Variants in ITM2B observed in about 807,000 individuals in gnomAD.
ITM2B encodes the protein ABri/ADan amyloid peptide.
ITM2B carries 11 observed loss-of-function variants against 27.8 expected under a neutral mutation model. The observed-to-expected ratio is 0.40, with a 90% CI of 0.25 to 0.66. The LOEUF (loss-of-function observed/expected upper bound fraction) is 0.66, where lower values mean the gene tolerates loss of function less well. Among genes scored for constraint, ITM2B ranks in the 30% least tolerant of loss-of-function variants. The pLI, the probability that ITM2B is intolerant of heterozygous loss-of-function variation, is 0.43. For missense variants in ITM2B, 296 were observed against 328.9 expected (o/e 0.90, Z 0.77); for synonymous variants, 114 against 114.3 (o/e 1.00, Z 0.02).
rs755411940 is a variant in ITM2B, at chr13:48,258,293, C to T, written c.564+57C>T. ...ATGCCTTCATAGTGTTCTGGAATTC[C>T]CTGTTGAGAAATTAGCCCTATAGGA... On this transcript the variant is annotated intron_variant, in intron 4 of 5. Coordinates refer to ENST00000647800, the MANE Select transcript of ITM2B (RefSeq NM_021999.5). 5 of 931,148 alleles carry T rather than the reference C, an allele frequency of 5.4e-6. No homozygotes were observed. In the Admixed American group the frequency reaches 6.8e-5, roughly 13 times the overall value. 57.7% of individuals were successfully genotyped at this position (931,148 alleles called of 1,614,324 possible). A position where few individuals can be genotyped will look rare whatever the true frequency, so the allele number is the denominator to read the frequency against.
chr13:48,245,566 C>T (rs1951719864), intron 1 of ITM2B, among the ~76,000 whole-genome samples: 1 of 151,404 alleles, frequency 6.6e-6, no homozygotes, highest in Admixed American at 6.6e-5. Context: ...AAGTTCCAAC[C>T]TATTTTTATT....
rs919620618 is a variant in ITM2B at position 48,269,376 on chromosome 13, T to C, written c.*8152T>C. 6.6e-6 allele frequency: 1 copy of C among 152,254 alleles called. No individual in the cohort carries two copies. Among genetic ancestry groups the C allele is most frequent in the Non-Finnish European group, 1.5e-5 (1 of 68,092 alleles). The allele number at this position is 152,254 out of a possible 1,614,324, so 9.4% of individuals were successfully genotyped here. A position where few individuals can be genotyped will look rare whatever the true frequency, so the allele number is the denominator to read the frequency against. On this transcript the variant is annotated 3_prime_UTR_variant, in exon 6 of 6. Coordinates refer to ENST00000647800, the MANE Select transcript of ITM2B (RefSeq NM_021999.5). ...TCTTCCTGCTTCCATACTTGACCCC[T>C]AGAGCCTCTTCTAAACAGAGTAGCT... is the stretch of plus-strand genomic sequence containing the variant.
At chr13:48,254,138 A>G (rs948537875) in intron 2 of ITM2B, among the ~76,000 whole-genome samples, 5 of 152,206 alleles carry the variant, frequency 3.3e-5, no homozygotes, top group Non-Finnish European at 7.4e-5. Flanking sequence ...CAGTCACTAA[A>G]AGCAGAGTAA....
chr13:48,239,024 T>A (rs555337999), intron 1 of ITM2B, among the ~76,000 whole-genome samples: 247 of 152,316 alleles, frequency 1.6e-3, no homozygotes, highest in African/African-American at 5.6e-3. Flanking sequence ...ATAAAAATTT[T>A]AAAAGATGCA....
chr13:48,254,496 G>T (rs933919511), intron 2 of ITM2B, among the ~76,000 whole-genome samples: 1 of 152,164 alleles, frequency 6.6e-6, no homozygotes, highest in African/African-American at 2.4e-5. Context: ...ATCCCAGTGG[G>T]TTAAGACAAA....
intron 1 of ITM2B, among the ~76,000 whole-genome samples, chr13:48,250,983 C>T (rs562510388): frequency 6.6e-6 from 1 of 152,234 alleles, no homozygotes; most frequent in South Asian, 2.1e-4. Flanking sequence ...AATAAATTGA[C>T]CTGTGGATAA....
chr13:48,259,095 A>G, intron 5 of ITM2B, 148 bp downstream of exon 5: 2 of 621,270 alleles, frequency 3.2e-6, no homozygotes, highest in Non-Finnish European at 5.6e-6. Context: ...TTTCTATAGA[A>G]TTATCTTAAT....
intron 1 of ITM2B, among the ~76,000 whole-genome samples, chr13:48,246,155 G>A (rs912758450): frequency 6.6e-6 from 1 of 152,112 alleles, no homozygotes; most frequent in African/African-American, 2.4e-5. Context: ...ATCATAACAT[G>A]TTGGTATAAT....
At chr13:48,235,426 A>G (rs931005818) in intron 1 of ITM2B, among the ~76,000 whole-genome samples, 2 of 152,214 alleles carry the variant, frequency 1.3e-5, no homozygotes, top group Non-Finnish European at 2.9e-5. Context: ...TAAACCACCC[A>G]GCAGTCACGG....
intron 1 of ITM2B, among the ~76,000 whole-genome samples, chr13:48,252,341 A>G (rs1487296364): frequency 2.6e-5 from 4 of 152,240 alleles, no homozygotes; most frequent in African/African-American, 9.6e-5. Flanking sequence ...ACAGACCAGT[A>G]CCGGAACTGG....
Position 48,253,845 on chromosome 13 carries a change from C to G in ITM2B, c.155C>G (p.Ala52Gly). ...DDVVPVGQRR[A>G]WCWCMCFGLA... Reference sequence around the variant, plus strand: ...GTGGTACCAGTTGGCCAAAGAAGAGCCTGGTGTTGGTGCATGTGCTTTGGA... The same window carrying G: ...GTGGTACCAGTTGGCCAAAGAAGAGGCTGGTGTTGGTGCATGTGCTTTGGA... Residue 52 changes from alanine (A) to glycine (G), a missense_variant, in exon 2 of 6, where the codon GCC (alanine) becomes GGC (glycine). By Grantham distance (60) the Ala-to-Gly change is moderately conservative (BLOSUM62 0). Coordinates refer to ENST00000647800, the MANE Select transcript of ITM2B (RefSeq NM_021999.5). 1 of 1,613,666 alleles carries G rather than the reference C, an allele frequency of 6.2e-7. No individual in the cohort carries two copies. The highest frequency in any genetic ancestry group is 8.5e-7 in the Non-Finnish European group (1 of 1,179,642).
chr13:48,240,014 A>G (rs758514737), intron 1 of ITM2B, among the ~76,000 whole-genome samples: 7 of 152,238 alleles, frequency 4.6e-5, no homozygotes, highest in Non-Finnish European at 7.3e-5. Flanking sequence ...AGCAGAATTC[A>G]GGTTATACAG....
At chr13:48,245,068 G>C (rs866373328) in intron 1 of ITM2B, among the ~76,000 whole-genome samples, 7 of 152,322 alleles carry the variant, frequency 4.6e-5, no homozygotes, top group Admixed American at 1.3e-4. Context: ...GCTCATGCCT[G>C]TAATCCCAGC....
At chr13:48,255,674 C>T (rs983546173) in intron 2 of ITM2B, among the ~76,000 whole-genome samples, 1 of 152,146 alleles carries the variant, frequency 6.6e-6, no homozygotes, top group African/African-American at 2.4e-5. Context: ...ATATTTTCCA[C>T]TGAATTGTGA....
At chr13:48,253,781 T>G (rs1181398892) in intron 1 of ITM2B, 27 bp from the exon 2 acceptor site, 1 of 1,609,718 alleles carries the variant, frequency 6.2e-7, no homozygotes, top group Non-Finnish European at 8.5e-7. Flanking sequence ...GGAGATAAGA[T>G]ATTTAACTGT....
At chr13:48,254,891 T>C (rs1177267937) in intron 2 of ITM2B, 1 of 152,078 alleles carries the variant, frequency 6.6e-6, no homozygotes, top group Non-Finnish European at 1.5e-5. Flanking sequence ...TTTTTTTTTC[T>C]TGAGACAGAG....
In ITM2B at chr13:48,267,500, C is replaced by CT. The variant is rs1289857245; in HGVS notation, c.*6277dup. On this transcript the variant is annotated 3_prime_UTR_variant, in exon 6 of 6. Transcript: ENST00000647800. ...TCTAGCCCTGCAGCTAGCTGACACT[C>CT]TAAAAAATTATGAGTGCCTTCCTTT... 1 of 149,494 alleles carries CT rather than the reference C, an allele frequency of 6.7e-6. No individual in the cohort carries two copies. The highest frequency in any genetic ancestry group is 6.6e-5 in the Admixed American group (1 of 15,148). 9.3% of individuals were successfully genotyped at this position (149,494 alleles called of 1,614,324 possible).
chr13:48,265,293 T>G lies in ITM2B; in HGVS notation c.*4069T>G, dbSNP rs899165619. On this transcript the variant is annotated 3_prime_UTR_variant, in exon 6 of 6. Transcript: ENST00000647800. The stretch of plus-strand genomic sequence containing the variant: ...TGTGTGACACAAAATGACCTAGTTC[T>G]TGCCCTAGTGACTAAGCAGATGCAA... The G allele has an allele frequency of 3.3e-5, 5 of 152,176 alleles. No individual in the cohort carries two copies. The highest frequency in any genetic ancestry group is 1.2e-4 in the African/African-American group (5 of 41,446). 9.4% of individuals were successfully genotyped at this position (152,176 alleles called of 1,614,324 possible).
Position 48,268,830 on chromosome 13 carries a change from TAATA to T in ITM2B, c.*7611_*7614del, listed in dbSNP as rs1031731522. Reference sequence around the variant, plus strand: ...TGAGGGTAGATTGGTAAAATATACATAATAAATACATGACAATGCAGGAGTCCAA... The same window carrying T: ...TGAGGGTAGATTGGTAAAATATACATAATACATGACAATGCAGGAGTCCAA... On this transcript the variant is annotated 3_prime_UTR_variant, in exon 6 of 6. Coordinates refer to ENST00000647800, the MANE Select transcript of ITM2B (RefSeq NM_021999.5). The T allele has an allele frequency of 2.6e-5, 4 of 152,218 alleles. No homozygotes were observed. Among genetic ancestry groups the T allele is most frequent in the African/African-American group, 9.6e-5 (4 of 41,454 alleles). The allele number at this position is 152,218 out of a possible 1,614,324, so 9.4% of individuals were successfully genotyped here.
Sources: gnomAD v4.1 joint callset for allele counts (sites outside exome capture counted in the v4.1 genomes callset) on GRCh38, gnomAD v4.1.1 for gene constraint, MANE v1.5 for transcripts, NCBI Gene and HGNC (gene_info 2026-07-23, HGNC 2026-07-21) for gene names.